SH3RF3: variants seen among roughly 807,000 people sequenced by gnomAD.
SH3RF3 encodes E3 ubiquitin-protein ligase SH3RF3.
In SH3RF3, 29 loss-of-function variants were observed where a neutral mutation model predicts 66.3. That is an observed-to-expected ratio of 0.44 (90% CI 0.33 to 0.60). SH3RF3 has a LOEUF of 0.60. SH3RF3 is among the 20% of genes least tolerant of loss of function. The pLI is 0.04. For synonymous variants in SH3RF3, 583 were observed against 532.0 expected (o/e 1.10, Z -1.32); for missense variants, 1,194 against 1,190.9 (o/e 1.00, Z -0.04).
chr2:109,167,079 C>G (rs1219075295), intron 1 of SH3RF3, among the ~76,000 whole-genome samples: 1 of 152,142 alleles, frequency 6.6e-6, no homozygotes, highest in Non-Finnish European at 1.5e-5. Flanking sequence ...AGTGGGAACC[C>G]AGAAGTTAAA....
At chr2:109,167,730 C>G (rs151133882) in intron 1 of SH3RF3, among the ~76,000 whole-genome samples, 2 of 152,128 alleles carry the variant, frequency 1.3e-5, no homozygotes, top group African/African-American at 4.8e-5. Flanking sequence ...TGTCACCACG[C>G]CTGGCTAATT....
At chr2:109,345,061 A>G (rs1574586579) in intron 1 of SH3RF3, among the ~76,000 whole-genome samples, 1 of 152,130 alleles carries the variant, frequency 6.6e-6, no homozygotes. Context: ...GAATTCATGA[A>G]AGACAGAATC....
chr2:109,249,773 C>T (rs1460550550), intron 1 of SH3RF3, among the ~76,000 whole-genome samples: 1 of 151,880 alleles, frequency 6.6e-6, no homozygotes, highest in East Asian at 1.9e-4. Flanking sequence ...TCTCCTGCCT[C>T]AGCCTCCTGA....
intron 1 of SH3RF3, among the ~76,000 whole-genome samples, chr2:109,300,676 A>C (rs941797873): frequency 6.6e-6 from 1 of 151,966 alleles, no homozygotes; most frequent in Non-Finnish European, 1.5e-5. Context: ...TCTCCATCCA[A>C]CCACCTTCCT....
intron 1 of SH3RF3, among the ~76,000 whole-genome samples, chr2:109,187,310 A>C (rs1678217528): frequency 6.6e-6 from 1 of 152,046 alleles, no homozygotes; most frequent in Non-Finnish European, 1.5e-5. Context: ...TTTTCTGTTT[A>C]GTCTGAATTA....
At chr2:109,305,465 G>GCA (rs1681569181) in intron 1 of SH3RF3, among the ~76,000 whole-genome samples, 1 of 152,150 alleles carries the variant, frequency 6.6e-6, no homozygotes, top group Non-Finnish European at 1.5e-5. Context: ...GGCCCCTGGA[G>GCA]GCTCAAGGAG....
Position 109,316,088 on chromosome 2 carries a change from T to C in SH3RF3, c.574-31586T>C, listed in dbSNP as rs574251302. Among the ~76,000 whole-genome samples the C allele has an allele frequency of 4.4e-4, 67 of 152,326 alleles. 1 individual carries two copies. Among genetic ancestry groups the C allele is most frequent in the African/African-American group, 1.5e-3 (61 of 41,568 alleles). On this transcript the variant is annotated intron_variant, in intron 1 of 9. Transcript: ENST00000309415. ...TGGTTAGAAAAGTGCATTTCCAGTATGCAATTGTAAAGCAGGAAAAACCTA... is the reference window on the plus strand; with the variant it reads ...TGGTTAGAAAAGTGCATTTCCAGTACGCAATTGTAAAGCAGGAAAAACCTA...
chr2:109,488,366 T>A (rs998493185), intron 8 of SH3RF3, among the ~76,000 whole-genome samples: 2 of 152,154 alleles, frequency 1.3e-5, no homozygotes, highest in Admixed American at 1.3e-4. Flanking sequence ...GGAGGCAAGG[T>A]CACCCTCTCA....
chr2:109,498,233 A>T (rs546260675), intron 9 of SH3RF3, among the ~76,000 whole-genome samples: 1 of 152,118 alleles, frequency 6.6e-6, no homozygotes, highest in Non-Finnish European at 1.5e-5. Flanking sequence ...ACCATCGTGC[A>T]CCCGTAGATG....
chr2:109,213,473 G>A (rs909355485), intron 1 of SH3RF3, among the ~76,000 whole-genome samples: 1 of 152,212 alleles, frequency 6.6e-6, no homozygotes, highest in African/African-American at 2.4e-5. Context: ...TCACTGGTGA[G>A]GACGTGGCCC....
intron 1 of SH3RF3, among the ~76,000 whole-genome samples, chr2:109,292,082 C>T (rs1053092924): frequency 6.6e-6 from 1 of 152,204 alleles, no homozygotes; most frequent in African/African-American, 2.4e-5. Flanking sequence ...CCAGGATGGT[C>T]TCGATCTCCT....
intron 1 of SH3RF3, among the ~76,000 whole-genome samples, chr2:109,291,075 A>G (rs1559004860): frequency 6.6e-6 from 1 of 152,198 alleles, no homozygotes; most frequent in African/African-American, 2.4e-5. Context: ...ATAATCCCAT[A>G]GCTTCCTTGA....
chr2:109,352,972 C>G (rs931438388), intron 2 of SH3RF3, among the ~76,000 whole-genome samples: 1 of 152,268 alleles, frequency 6.6e-6, no homozygotes, highest in Admixed American at 6.5e-5. Flanking sequence ...GTGAGCTCCT[C>G]TCCATGGGCA....
rs1677524894 is a variant in SH3RF3 at position 109,162,978 on chromosome 2, CCT to C, written c.573+32870_573+32871del. 1.3e-5 allele frequency among the ~76,000 whole-genome samples: 2 copies of C among 152,174 alleles called. 1 individual carries two copies. Among genetic ancestry groups the C allele is most frequent in the African/African-American group, 4.8e-5 (2 of 41,434 alleles). ...TGTCACCTCTCCAAGGGATTTGCAC[CCT>C]CTCTGACTGAGGGACTCCTTTGATT... On this transcript the variant is annotated intron_variant, in intron 1 of 9. Transcript: ENST00000309415.
At chr2:109,481,123 G>A (rs1200099307) in intron 8 of SH3RF3, among the ~76,000 whole-genome samples, 1 of 152,220 alleles carries the variant, frequency 6.6e-6, no homozygotes, top group Non-Finnish European at 1.5e-5. Flanking sequence ...AAAGGCAGGA[G>A]AAGAAACCCT....
At chr2:109,410,025 C>T (rs1015751116) in intron 4 of SH3RF3, among the ~76,000 whole-genome samples, 9 of 152,170 alleles carry the variant, frequency 5.9e-5, no homozygotes, top group South Asian at 4.1e-4. Context: ...AGCCTGCCAA[C>T]GCCCAGACCC....
At position 109,247,299 on chromosome 2, in the gene SH3RF3, A is replaced by G. The variant is rs551999160; in HGVS notation, c.574-100375A>G. Among the ~76,000 whole-genome samples, 5 of 152,234 alleles carry G rather than the reference A, an allele frequency of 3.3e-5. No homozygotes were observed. The East Asian group carries it at 9.7e-4, about 29-fold the overall frequency. On this transcript the variant is annotated intron_variant, in intron 1 of 9. Transcript: ENST00000309415. Reference sequence around the variant, plus strand: ...TGACACACCAAGGATGGCTTTCAAGAGCTTTCTTGAGCCCTTTATCCAAAT... The same window carrying G: ...TGACACACCAAGGATGGCTTTCAAGGGCTTTCTTGAGCCCTTTATCCAAAT...
intron 1 of SH3RF3, among the ~76,000 whole-genome samples, chr2:109,198,062 A>G (rs1243854695): frequency 3.9e-5 from 6 of 152,136 alleles, no homozygotes; most frequent in Non-Finnish European, 8.8e-5. Flanking sequence ...GTCCCCATGC[A>G]GTGTGTCAGT....
In SH3RF3 at chr2:109,156,432, A is replaced by G. The variant is rs142350339; in HGVS notation, c.573+26319A>G. On this transcript the variant is annotated intron_variant, in intron 1 of 9. Coordinates refer to ENST00000309415, the MANE Select transcript of SH3RF3 (RefSeq NM_001099289.3). ...AGTGATTCAGGGGAGAGGATACACTAAGGGATGAATTTTAAGGTTTTTTTT... is the reference window on the plus strand; with the variant it reads ...AGTGATTCAGGGGAGAGGATACACTGAGGGATGAATTTTAAGGTTTTTTTT... Among the ~76,000 whole-genome samples the G allele has an allele frequency of 8.0e-4, 122 of 152,048 alleles. 1 individual carries two copies. Among genetic ancestry groups the G allele is most frequent in the African/African-American group, 2.7e-3 (112 of 41,466 alleles).
Sources: allele counts gnomAD v4.1 joint callset (sites outside exome capture counted in the v4.1 genomes callset), GRCh38; gene constraint gnomAD v4.1.1; transcripts MANE v1.5; gene names NCBI Gene and HGNC (gene_info 2026-07-23, HGNC 2026-07-21).